PRKCH: variants seen among roughly 807,000 people sequenced by gnomAD.
PRKCH encodes the protein protein kinase C eta type.
A neutral mutation model predicts 82.5 loss-of-function variants in PRKCH; 28 were observed. The ratio of observed to expected loss-of-function variants is 0.34; its 90% CI spans 0.25 to 0.47. The LOEUF (loss-of-function observed/expected upper bound fraction) is 0.47. Among genes scored for constraint, PRKCH ranks in the 20% least tolerant of loss-of-function variants. The probability of loss-of-function intolerance (pLI) is 1.00; values close to 1 mark genes in which losing one functional copy is unlikely to be tolerated. For synonymous variants in PRKCH, 322 were observed against 327.4 expected, an observed-to-expected ratio of 0.98 and a Z score of 0.18; for missense variants, 705 against 881.8, an observed-to-expected ratio of 0.80 and a Z score of 2.54.
rs144669935 is a variant in PRKCH, at chr14:61,296,333, G to C, written c.-19+108665G>C. Reference sequence around the variant, plus strand: ...GGGGTAGCAAGCTTGGCAGCTCCTCGGGGGATCGGCTAAGCTGATACACAC... The same window carrying C: ...GGGGTAGCAAGCTTGGCAGCTCCTCCGGGGATCGGCTAAGCTGATACACAC... On this transcript the variant is annotated intron_variant, in intron 1 of 3. Coordinates refer to the PRKCH transcript ENST00000555185. Among the ~76,000 whole-genome samples the C allele has an allele frequency of 3.4e-3, 518 of 152,178 alleles. 1 individual carries two copies. Among genetic ancestry groups the C allele is most frequent in the African/African-American group, 0.011 (472 of 41,542 alleles).
intron 10 of PRKCH, among the ~76,000 whole-genome samples, 186 bp downstream of exon 10, chr14:61,485,842 C>T (rs562932267): frequency 4.6e-5 from 7 of 152,208 alleles, no homozygotes; most frequent in East Asian, 3.9e-4. Flanking sequence ...AGTGCAGTGG[C>T]GCAATCATGG....
At chr14:61,438,627 G>C (rs1050106034) in intron 2 of PRKCH, among the ~76,000 whole-genome samples, 3 of 152,172 alleles carry the variant, frequency 2.0e-5, no homozygotes, top group Admixed American at 6.5e-5. Context: ...ACAGTTTACA[G>C]AATCACAGCA....
chr14:61,388,996 G>A (rs570350709), intron 1 of PRKCH, among the ~76,000 whole-genome samples: 1 of 152,326 alleles, frequency 6.6e-6, no homozygotes, highest in South Asian at 2.1e-4. Context: ...GTGTGGTGGT[G>A]ACCTAGGGTA....
intron 10 of PRKCH, among the ~76,000 whole-genome samples, chr14:61,489,672 A>G (rs935937624): frequency 1.3e-5 from 2 of 152,230 alleles, no homozygotes; most frequent in Non-Finnish European, 1.5e-5. Flanking sequence ...CCCAAGGGGA[A>G]AAAAAGAAGA....
chr14:61,547,027 A>G (rs918885979), intron 12 of PRKCH, among the ~76,000 whole-genome samples: 12 of 152,194 alleles, frequency 7.9e-5, no homozygotes, highest in African/African-American at 2.9e-4. Context: ...CTATGCACAC[A>G]TCGCTTAGCT....
At chr14:61,361,059 G>T (rs2046218407) in intron 1 of PRKCH, 1 of 152,226 alleles carries the variant, frequency 6.6e-6, no homozygotes, top group Non-Finnish European at 1.5e-5. Context: ...GGTGGCTTCG[G>T]GAACTCAGTT....
chr14:61,312,998 T>C (rs1375087838), intron 1 of PRKCH, among the ~76,000 whole-genome samples: 1 of 152,188 alleles, frequency 6.6e-6, no homozygotes, highest in Non-Finnish European at 1.5e-5. Flanking sequence ...AACTATTCAG[T>C]TCAAAGGCTA....
chr14:61,439,372 C>CA (rs756599804), intron 2 of PRKCH, among the ~76,000 whole-genome samples: 5 of 152,118 alleles, frequency 3.3e-5, no homozygotes, highest in Non-Finnish European at 7.4e-5. Context: ...CATTGGAAGC[C>CA]ATGGGGGCCC....
intron 1 of PRKCH, among the ~76,000 whole-genome samples, chr14:61,243,062 A>T (rs1453317622): frequency 7.8e-6 from 1 of 128,782 alleles, no homozygotes; most frequent in Non-Finnish European, 1.6e-5. Context: ...TTTGACCTAG[A>T]CCCGATTTTG....
At chr14:61,411,091 A>G (rs371399845) in intron 2 of PRKCH, among the ~76,000 whole-genome samples, 9 of 152,186 alleles carry the variant, frequency 5.9e-5, no homozygotes, top group Non-Finnish European at 1.0e-4. Flanking sequence ...CTCAGCAAGG[A>G]TTGAGCCCCA....
chr14:61,318,411 C>T (rs992806859), upstream of PRKCH, among the ~76,000 whole-genome samples: 17 of 144,840 alleles, frequency 1.2e-4, 1 homozygote, highest in Non-Finnish European at 1.9e-4. Flanking sequence ...CCCTATGTCG[C>T]GCAGGGTGGT....
rs142361510 is a variant in PRKCH at position 61,456,874 on chromosome 14, G to A, written c.961-302G>A. ...CTTCCCGTGGAAAGCCACCGCAGAA[G>A]GCACCCAAGGGACCACACAAGGCAT... is the stretch of plus-strand genomic sequence containing the variant. On this transcript the variant is annotated intron_variant, in intron 7 of 13. Coordinates refer to ENST00000332981, the MANE Select transcript of PRKCH (RefSeq NM_006255.5). 79 of 238,504 alleles carry A rather than the reference G, an allele frequency of 3.3e-4. 1 individual carries two copies. In the East Asian group the frequency reaches 6.9e-3, roughly 21 times the overall value. The allele number at this position is 238,504 out of a possible 1,614,324, so 14.8% of individuals were successfully genotyped here.
chr14:61,223,169 C>A (rs900380675), intron 1 of PRKCH, among the ~76,000 whole-genome samples: 1 of 152,126 alleles, frequency 6.6e-6, no homozygotes, highest in African/African-American at 2.4e-5. Context: ...TCAGTCTTTC[C>A]CATTTAAACG....
intron 12 of PRKCH, among the ~76,000 whole-genome samples, chr14:61,535,180 A>G (rs2043090596): frequency 6.6e-6 from 1 of 152,206 alleles, no homozygotes; most frequent in Non-Finnish European, 1.5e-5. Flanking sequence ...ATATGTGCAT[A>G]GCAGGCATGG....
intron 1 of PRKCH, among the ~76,000 whole-genome samples, chr14:61,383,698 A>C (rs532478965): frequency 1.3e-5 from 2 of 152,028 alleles, no homozygotes; most frequent in East Asian, 3.9e-4. Context: ...AAATGAATGA[A>C]TAGATAGGTG....
chr14:61,277,083 G>A (rs982119704), intron 1 of PRKCH, among the ~76,000 whole-genome samples: 19 of 152,110 alleles, frequency 1.2e-4, no homozygotes, highest in African/African-American at 4.1e-4. Flanking sequence ...CTACTTGGGA[G>A]GCTGAGACAC....
chr14:61,214,423 C>G (rs1272684667), intron 1 of PRKCH, among the ~76,000 whole-genome samples: 3 of 151,852 alleles, frequency 2.0e-5, no homozygotes, highest in Admixed American at 6.6e-5. Flanking sequence ...GTATGAGGAC[C>G]CTCTACAATC....
At chr14:61,333,053 C>G (rs3783816) in intron 1 of PRKCH, among the ~76,000 whole-genome samples, 81,765 of 152,102 alleles carry the variant, frequency 0.54, 25,802 homozygotes, top group Non-Finnish European at 0.69. Flanking sequence ...TTTTGGGAAG[C>G]GCACCCAAAA....
intron 1 of PRKCH, among the ~76,000 whole-genome samples, chr14:61,274,951 G>A (rs1024649207): frequency 1.6e-4 from 24 of 152,090 alleles, no homozygotes; most frequent in Non-Finnish European, 2.1e-4. Flanking sequence ...TCAGTTGTTG[G>A]CAAACTACAT....
Sources: gnomAD v4.1 joint callset for allele counts (sites outside exome capture counted in the v4.1 genomes callset) on GRCh38, gnomAD v4.1.1 for gene constraint, MANE v1.5 for transcripts, NCBI Gene and HGNC (gene_info 2026-07-23, HGNC 2026-07-21) for gene names.